The following CALN1 variants were observed in gnomAD, a reference collection of about 807,000 sequenced individuals.
CALN1 encodes calneuron 1.
Under a neutral mutation model 30.6 loss-of-function variants are expected in CALN1, and 17 were observed. That is an observed-to-expected ratio of 0.56 (90% CI 0.38 to 0.83). The LOEUF is 0.83. Ranked by LOEUF, CALN1 falls within the 40% of genes least tolerant of loss-of-function variation. The pLI, the probability that CALN1 is intolerant of heterozygous loss-of-function variation, is 0.00. For synonymous variants in CALN1, 156 were observed against 131.4 expected (o/e 1.19, Z -1.28); for missense variants, 291 against 354.9 (o/e 0.82, Z 1.45).
At chr7:72,361,770 G>A (rs1473891535) in intron 2 of CALN1, among the ~76,000 whole-genome samples, 1 of 152,162 alleles carries the variant, frequency 6.6e-6, no homozygotes, top group Non-Finnish European at 1.5e-5. Context: ...ATCTTTCAGA[G>A]CAAAGGTTCA....
At chr7:72,062,511 C>CAAAAAAAAAA (rs376093442) in intron 4 of CALN1, among the ~76,000 whole-genome samples, 3 of 59,328 alleles carry the variant, frequency 5.1e-5, no homozygotes, top group African/African-American at 1.5e-4. Flanking sequence ...GACTCTATCT[C>CAAAAAAAAAA]AAAAAAAAAA....
At chr7:71,928,729 G>A (rs1025342597) in intron 5 of CALN1, among the ~76,000 whole-genome samples, 15 of 151,868 alleles carry the variant, frequency 9.9e-5, no homozygotes, top group South Asian at 2.1e-4. Context: ...CACTTTTATC[G>A]CCGCAAAAAG....
At position 72,068,052 on chromosome 7, in the gene CALN1, C is replaced by T. The variant is rs984823018; in HGVS notation, c.388+38099G>A. On this transcript the variant is annotated intron_variant, in intron 4 of 6. Coordinates refer to ENST00000395275, the MANE Select transcript of CALN1 (RefSeq NM_031468.4). ...AACTAATTCAGCAATCTCATTATCA[C>T]CAACCAATTTGTGCCCACGTGTTAA... is the stretch of plus-strand genomic sequence containing the variant. Among the ~76,000 whole-genome samples the T allele has an allele frequency of 2.6e-5, 4 of 152,186 alleles. No homozygotes were observed. The South Asian group carries it at 8.3e-4, about 32-fold the overall frequency.
rs568017518 is a variant in CALN1, at chr7:71,788,088, T to C, written c.659-186A>G. Among the ~76,000 whole-genome samples the C allele has an allele frequency of 1.0e-3, 153 of 152,310 alleles. 6 individuals carry two copies. In the South Asian group the frequency reaches 0.031, roughly 31 times the overall value. ...GACCACTGCCATGGAGACTGCATAA[T>C]ACAAAATGCCTTCTGGTGAAAGGTA... On this transcript the variant is annotated intron_variant, in intron 6 of 6. Coordinates refer to ENST00000395275, the MANE Select transcript of CALN1 (RefSeq NM_031468.4).
At chr7:71,823,090 A>C (rs1319463878) in intron 5 of CALN1, among the ~76,000 whole-genome samples, 1 of 152,138 alleles carries the variant, frequency 6.6e-6, no homozygotes, top group Non-Finnish European at 1.5e-5. Flanking sequence ...CATGACAGAC[A>C]ATTTATTCTG....
At chr7:72,112,058 T>A (rs1807617301) in intron 3 of CALN1, among the ~76,000 whole-genome samples, 1 of 152,084 alleles carries the variant, frequency 6.6e-6, no homozygotes. Context: ...GCTCTCTTTT[T>A]TCTTAAAAAA....
intron 2 of CALN1, chr7:72,337,151 C>A: frequency 1.0e-6 from 1 of 985,398 alleles, no homozygotes; most frequent in African/African-American, 1.7e-5. Flanking sequence ...GAGTTGCGCG[C>A]CCTAGAAACT....
chr7:71,847,766 GAAGAAGA>G (rs1790376240), intron 5 of CALN1, among the ~76,000 whole-genome samples: 1 of 108,964 alleles, frequency 9.2e-6, no homozygotes, highest in African/African-American at 3.9e-5. Context: ...GAAAGAAGAA[GAAGAAGA>G]AAGAAGAAGA....
chr7:71,975,470 G>A (rs756906843), intron 5 of CALN1, among the ~76,000 whole-genome samples: 13 of 151,744 alleles, frequency 8.6e-5, no homozygotes, highest in Non-Finnish European at 1.6e-4. Context: ...TCTGTTGCCC[G>A]GGCTAGAGTG....
the CALN1 span, among the ~76,000 whole-genome samples, chr7:72,473,799 T>C: frequency 6.6e-6 from 1 of 151,664 alleles, no homozygotes; most frequent in Non-Finnish European, 1.5e-5. Context: ...CCAGGCATGG[T>C]GGCAGGCACC....
At chr7:72,366,829 C>A (rs1453037290) in intron 2 of CALN1, among the ~76,000 whole-genome samples, 15 of 149,980 alleles carry the variant, frequency 1.0e-4, no homozygotes, top group South Asian at 2.1e-4. Context: ...ATATAACCAA[C>A]AAAAAAAAAG....
chr7:71,818,888 T>C (rs1788426987), intron 5 of CALN1, among the ~76,000 whole-genome samples: 1 of 151,802 alleles, frequency 6.6e-6, no homozygotes, highest in South Asian at 2.1e-4. Context: ...TTTTGTATTT[T>C]CAGTAGAGAT....
intron 2 of CALN1, among the ~76,000 whole-genome samples, chr7:72,387,318 T>C (rs1286060983): frequency 2.5e-5 from 2 of 81,458 alleles, no homozygotes; most frequent in African/African-American, 4.4e-5. Flanking sequence ...GGCAGGCATC[T>C]CCCATATACA....
intron 1 of CALN1, among the ~76,000 whole-genome samples, chr7:72,429,761 G>GTATA (rs143345640): frequency 1.4e-4 from 20 of 147,442 alleles, no homozygotes; most frequent in East Asian, 2.0e-4. Context: ...ATACACATCT[G>GTATA]TATATATATA....
intron 5 of CALN1, among the ~76,000 whole-genome samples, chr7:71,975,659 G>A (rs1798066248): frequency 6.6e-6 from 1 of 151,746 alleles, no homozygotes. Flanking sequence ...TTGATTTCTG[G>A]CCTCAAGTGA....
At chr7:72,123,527 C>G (rs903995717) in intron 3 of CALN1, among the ~76,000 whole-genome samples, 1 of 152,162 alleles carries the variant, frequency 6.6e-6, no homozygotes, top group Non-Finnish European at 1.5e-5. Flanking sequence ...ACGAGAGGCC[C>G]TGGAATCGCT....
At chr7:72,168,268 A>G (rs1166039169) in intron 3 of CALN1, among the ~76,000 whole-genome samples, 1 of 151,862 alleles carries the variant, frequency 6.6e-6, no homozygotes, top group African/African-American at 2.4e-5. Context: ...TGGGAAGAGG[A>G]TCTGAGTTTG....
chr7:72,371,334 CTTGAA>C (rs2129560317), intron 2 of CALN1, among the ~76,000 whole-genome samples: 1 of 152,254 alleles, frequency 6.6e-6, no homozygotes, highest in East Asian at 1.9e-4. Context: ...CAAATCTCAT[CTTGAA>C]TTGTAGTGCC....
chr7:72,241,162 G>A (rs1443435465), intron 3 of CALN1, among the ~76,000 whole-genome samples: 1 of 152,118 alleles, frequency 6.6e-6, no homozygotes, highest in Non-Finnish European at 1.5e-5. Flanking sequence ...CAAGTAAGTT[G>A]GCTTGAGAAT....
Sources: allele counts gnomAD v4.1 joint callset (sites outside exome capture counted in the v4.1 genomes callset), GRCh38; gene constraint gnomAD v4.1.1; transcripts MANE v1.5; gene names NCBI Gene and HGNC (gene_info 2026-07-23, HGNC 2026-07-21).